The following EPB41L5 variants were observed in gnomAD, a reference collection of about 807,000 sequenced individuals.
EPB41L5 encodes the protein band 4.1-like protein 5.
EPB41L5 carries 55 observed loss-of-function variants against 106.6 expected under a neutral mutation model. That is an observed-to-expected ratio of 0.52 (90% confidence interval 0.42 to 0.65). The LOEUF is 0.65. Among genes scored for constraint, EPB41L5 ranks in the 30% least tolerant of loss-of-function variants. The pLI is 0.00. For missense variants in EPB41L5, 871 were observed against 882.1 expected, an observed-to-expected ratio of 0.99 and a Z score of 0.16; for synonymous variants, 297 against 306.7, an observed-to-expected ratio of 0.97 and a Z score of 0.33.
At position 120,090,456 on chromosome 2, in the gene EPB41L5, C is replaced by T; in HGVS notation, c.983C>T (p.Pro328Leu). Residue 328 changes from proline (P) to leucine (L), a missense_variant, in exon 12 of 25, where the codon CCC becomes CTC. Transcript: ENST00000263713. ...EHHAFFRLRG[P>L]VQKSSHRSGF... Reference sequence around the variant, plus strand: ...CATGCTTTCTTCCGCCTTCGAGGCCCCGTCCAAAAGAGTTCTCATCGATCA... The same window carrying T: ...CATGCTTTCTTCCGCCTTCGAGGCCTCGTCCAAAAGAGTTCTCATCGATCA... 3 of 1,613,676 alleles carry T rather than the reference C, an allele frequency of 1.9e-6. No individual in the cohort carries two copies. The African/African-American group carries it at 4.0e-5, about 22-fold the overall frequency.
intron 2 of EPB41L5, among the ~76,000 whole-genome samples, chr2:120,029,573 T>G (rs1678567589): frequency 6.6e-6 from 1 of 152,200 alleles, no homozygotes; most frequent in Admixed American, 6.5e-5. Flanking sequence ...AAGATAATGC[T>G]GAAACAGCCT....
chr2:120,152,772 TCTTTA>T (rs1045634431), intron 20 of EPB41L5, among the ~76,000 whole-genome samples: 1 of 152,268 alleles, frequency 6.6e-6, no homozygotes, highest in Non-Finnish European at 1.5e-5. Flanking sequence ...TGATTCAATC[TCTTTA>T]CTTGTTGTAA....
At chr2:120,167,572 C>G (rs567868819) in intron 23 of EPB41L5, 65 bp downstream of exon 23, 3 of 1,502,676 alleles carry the variant, frequency 2.0e-6, no homozygotes, top group Non-Finnish European at 2.8e-6. Flanking sequence ...TAAAGGATTA[C>G]TAGGTTCTTT....
intron 3 of EPB41L5, among the ~76,000 whole-genome samples, chr2:120,051,390 A>T (rs538073006): frequency 1.3e-5 from 2 of 152,132 alleles, no homozygotes; most frequent in Admixed American, 6.5e-5. Context: ...GCCACCTTGC[A>T]GTTTGATCTC....
rs141292281 is a variant in EPB41L5 at position 120,160,233 on chromosome 2, C to T, written c.1794-648C>T. Among the ~76,000 whole-genome samples, 714 of 152,296 alleles carry T rather than the reference C, an allele frequency of 4.7e-3. 7 individuals carry two copies. The highest frequency in any genetic ancestry group is 0.017 in the African/African-American group (689 of 41,580). On this transcript the variant is annotated intron_variant, in intron 20 of 24. Transcript: ENST00000263713. ...GAAGTTAAAAAAAAATTATACTTTT[C>T]GGCTTCAAAGTTAATTCCTTTTTAT...
At chr2:120,030,818 G>C (rs960692005) in intron 2 of EPB41L5, among the ~76,000 whole-genome samples, 4 of 152,004 alleles carry the variant, frequency 2.6e-5, no homozygotes, top group African/African-American at 9.7e-5. Flanking sequence ...GCCTCCCAGA[G>C]TGCTGGAATT....
chr2:120,108,714 A>T (rs1407259195), intron 16 of EPB41L5, among the ~76,000 whole-genome samples: 1 of 152,190 alleles, frequency 6.6e-6, no homozygotes, highest in African/African-American at 2.4e-5. Context: ...CTGTATTTGT[A>T]GCCCCACCAA....
intron 8 of EPB41L5, 39 bp downstream of exon 8, chr2:120,077,130 C>G: frequency 1.9e-6 from 3 of 1,599,156 alleles, no homozygotes; most frequent in Non-Finnish European, 2.6e-6. Context: ...AAAATCACCA[C>G]AACAGTTATT....
At chr2:120,123,675 G>C (rs1157380429) in intron 16 of EPB41L5, among the ~76,000 whole-genome samples, 1 of 8,444 alleles carries the variant, frequency 1.2e-4, no homozygotes, top group Non-Finnish European at 2.9e-4. Flanking sequence ...TTTTTTTTTT[G>C]ATACAGGGTC....
intron 10 of EPB41L5, among the ~76,000 whole-genome samples, chr2:120,086,357 T>C (rs80027053): frequency 0.021 from 3,229 of 152,238 alleles, 114 homozygotes; most frequent in African/African-American, 0.073. Flanking sequence ...AGAGTTCAAA[T>C]GTGTGGTAGG....
intron 16 of EPB41L5, among the ~76,000 whole-genome samples, chr2:120,102,481 A>G (rs1339027288): frequency 6.6e-6 from 1 of 150,966 alleles, no homozygotes; most frequent in Non-Finnish European, 1.5e-5. Context: ...GAGATAATGG[A>G]CTCTCCCGCC....
In EPB41L5 at chr2:120,043,107, A is replaced by G. The variant is rs1344708353; in HGVS notation, c.285+997A>G. On this transcript the variant is annotated intron_variant, in intron 3 of 24. Coordinates refer to ENST00000263713, the MANE Select transcript of EPB41L5 (RefSeq NM_020909.4). ...ATCTGGGCTAAGTTTACAGCTGTGAATAATTTTAGCTGTCATTTTTTCATG... is the reference window on the plus strand; with the variant it reads ...ATCTGGGCTAAGTTTACAGCTGTGAGTAATTTTAGCTGTCATTTTTTCATG... Among the ~76,000 whole-genome samples the G allele has an allele frequency of 8.6e-5, 13 of 151,648 alleles. No homozygotes were observed. In the East Asian group the frequency reaches 2.5e-3, roughly 29 times the overall value.
intron 16 of EPB41L5, among the ~76,000 whole-genome samples, chr2:120,111,991 A>G (rs1038251474): frequency 5.9e-5 from 9 of 151,690 alleles, no homozygotes; most frequent in African/African-American, 1.5e-4. Flanking sequence ...CCTCCCTTCA[A>G]TCTCTTATGG....
intron 16 of EPB41L5, chr2:120,106,905 T>C (rs540853836): frequency 1.0e-6 from 1 of 970,636 alleles, no homozygotes; most frequent in African/African-American, 1.8e-5. Flanking sequence ...AAAATAAATT[T>C]TATTTGTCCT....
At chr2:120,044,773 T>C (rs565729639) in intron 3 of EPB41L5, among the ~76,000 whole-genome samples, 1 of 152,344 alleles carries the variant, frequency 6.6e-6, no homozygotes, top group South Asian at 2.1e-4. Context: ...ATTTAATCCC[T>C]ACTCTTTAGT....
chr2:120,174,468 GA>G lies in EPB41L5; in HGVS notation c.2136-362del, dbSNP rs36027189. On this transcript the variant is annotated intron_variant, in intron 24 of 24. Transcript: ENST00000263713. ...CGACAGAGCAAGACCCCGTCTCACA[GA>G]AAAAAAAAAAGGAGCAGCAGCAGCA... Among the ~76,000 whole-genome samples the G allele has an allele frequency of 3.3e-4, 48 of 147,376 alleles. No homozygotes were observed. In the East Asian group the frequency reaches 6.7e-3, roughly 21 times the overall value.
chr2:120,154,665 G>A (rs932000114), intron 20 of EPB41L5, among the ~76,000 whole-genome samples: 6 of 151,634 alleles, frequency 4.0e-5, no homozygotes, highest in Admixed American at 6.6e-5. Flanking sequence ...GGTGGCTCAC[G>A]CCTGTAATCC....
intron 11 of EPB41L5, among the ~76,000 whole-genome samples, chr2:120,088,173 C>T (rs997672678): frequency 2.0e-5 from 3 of 151,496 alleles, no homozygotes; most frequent in African/African-American, 7.3e-5. Flanking sequence ...TTTTTTGAAT[C>T]CAGTTCTTTC....
At position 120,092,917 on chromosome 2, in the gene EPB41L5, A is replaced by G. The variant is rs572303964; in HGVS notation, c.1151-332A>G. ...TTGTTGCCTCTATGGTGTGAATCCC[A>G]AAACACTTTGGTGAATTGAAGGTTT... On this transcript the variant is annotated intron_variant, in intron 13 of 24. Coordinates refer to ENST00000263713, the MANE Select transcript of EPB41L5 (RefSeq NM_020909.4). 3.0e-4 allele frequency among the ~76,000 whole-genome samples: 46 copies of G among 152,344 alleles called. No individual in the cohort carries two copies. In the South Asian group the frequency reaches 8.7e-3, roughly 29 times the overall value.
Sources: gnomAD v4.1 joint callset for allele counts (sites outside exome capture counted in the v4.1 genomes callset) on GRCh38, gnomAD v4.1.1 for gene constraint, MANE v1.5 for transcripts, NCBI Gene and HGNC (gene_info 2026-07-23, HGNC 2026-07-21) for gene names.